Variants in SRP68 observed in about 807,000 individuals in gnomAD.
The protein encoded by SRP68 is signal recognition particle subunit SRP68.
A neutral mutation model predicts 82.2 loss-of-function variants in SRP68; 15 were observed. The observed-to-expected ratio is 0.18, with a 90% CI of 0.12 to 0.28. The LOEUF (loss-of-function observed/expected upper bound fraction) is 0.28, where lower values mean the gene tolerates loss of function less well. Ranked by LOEUF, SRP68 falls within the 10% of genes least tolerant of loss-of-function variation. The pLI is 1.00. For missense variants in SRP68, 595 were observed against 780.5 expected, an observed-to-expected ratio of 0.76 and a Z score of 2.83; for synonymous variants, 261 against 292.6, an observed-to-expected ratio of 0.89 and a Z score of 1.10.
intron 13 of SRP68, among the ~76,000 whole-genome samples, chr17:76,042,494 C>T (rs1028434017): frequency 2.0e-5 from 3 of 147,052 alleles, no homozygotes; most frequent in East Asian, 2.0e-4. Flanking sequence ...AAGCCGAGAT[C>T]GTGCCACTGC....
At chr17:76,061,688 C>A in intron 4 of SRP68, 114 bp from the exon 5 acceptor site, 1 of 793,184 alleles carries the variant, frequency 1.3e-6, no homozygotes, top group Admixed American at 2.3e-5. Context: ...GGGCCAGGTG[C>A]AGTGGCTCAC....
At chr17:76,061,449 C>T in intron 5 of SRP68, 43 bp downstream of exon 5, 1 of 1,537,858 alleles carries the variant, frequency 6.5e-7, no homozygotes, top group Non-Finnish European at 9.0e-7. Flanking sequence ...ATTTGACAAT[C>T]TGTAATTAAA....
chr17:76,070,305 G>A lies in SRP68; in HGVS notation c.251+73C>T, dbSNP rs577186578. On this transcript the variant is annotated intron_variant, in intron 2 of 15. Transcript: ENST00000307877. Reference sequence around the variant, plus strand: ...TTCTAGCATATTTGCTGATATAGCAGAGTAAACAGGATATTAACAAAAGCA... The same window carrying A: ...TTCTAGCATATTTGCTGATATAGCAAAGTAAACAGGATATTAACAAAAGCA... 22 of 1,161,286 alleles carry A rather than the reference G, an allele frequency of 1.9e-5. No homozygotes were observed. In the East Asian group the frequency reaches 4.8e-4, roughly 25 times the overall value. 71.9% of individuals were successfully genotyped at this position (1,161,286 alleles called of 1,614,324 possible).
chr17:76,051,624 T>C (rs186143497), intron 8 of SRP68, among the ~76,000 whole-genome samples: 3 of 152,202 alleles, frequency 2.0e-5, no homozygotes, highest in Admixed American at 2.0e-4. Flanking sequence ...CTTTTCTTAG[T>C]CTCCAGTGTG....
At chr17:76,044,051 G>C in intron 12 of SRP68, 93 bp from the exon 13 acceptor site, 1 of 1,448,452 alleles carries the variant, frequency 6.9e-7, no homozygotes, top group Non-Finnish European at 9.2e-7. Flanking sequence ...TTCACATTTG[G>C]AAACAGGTTT....
At chr17:76,050,358 C>T in intron 9 of SRP68, 70 bp downstream of exon 9, 3 of 1,144,634 alleles carry the variant, frequency 2.6e-6, no homozygotes, top group Non-Finnish European at 4.0e-6. Flanking sequence ...CTGGGGTCCA[C>T]CTGAGAAGGG....
In SRP68 at chr17:76,066,666, A is replaced by G. The variant is rs551801282; in HGVS notation, c.365+551T>C. 4.0e-5 allele frequency among the ~76,000 whole-genome samples: 6 copies of G among 150,904 alleles called. No individual in the cohort carries two copies. In the East Asian group the frequency reaches 1.2e-3, roughly 29 times the overall value. ...GTTTAATAGGCAAGAAGGGAGAAGA[A>G]GCTTCCCTGTACAGAGACAGAGGAA... On this transcript the variant is annotated intron_variant, in intron 3 of 15. Transcript: ENST00000307877.
intron 2 of SRP68, among the ~76,000 whole-genome samples, chr17:76,069,590 C>T (rs1202994479): frequency 1.3e-5 from 2 of 150,960 alleles, no homozygotes; most frequent in African/African-American, 2.4e-5. Context: ...GCCTTCAGTC[C>T]CAGCCACTCA....
At position 76,065,123 on chromosome 17, in the gene SRP68, C is replaced by T. The variant is rs371993981; in HGVS notation, c.366-952G>A. Among the ~76,000 whole-genome samples, 8 of 152,080 alleles carry T rather than the reference C, an allele frequency of 5.3e-5. No individual in the cohort carries two copies. In the East Asian group the frequency reaches 9.7e-4, roughly 18 times the overall value. On this transcript the variant is annotated intron_variant, in intron 3 of 15. Coordinates refer to ENST00000307877, the MANE Select transcript of SRP68 (RefSeq NM_014230.4). The stretch of plus-strand genomic sequence containing the variant: ...AATCTGTCTTAAACTTCAGCTTAAC[C>T]TTGTCTCTTCAGAGTAAAGGATCTT...
Position 76,039,927 on chromosome 17 carries a change from C to T in SRP68, c.1663G>A (p.Val555Ile), listed in dbSNP as rs767689952. Reference protein sequence around the residue: ...SSQVKDNKPLVERFETFCLDP... With the variant: ...SSQVKDNKPLIERFETFCLDP... ...AGGCAGAATGTCTCAAACCGTTCAA[C>T]CAGAGGCTGGAAGTCAAATCAAAGA... The change falls in exon 16 of 16, where the codon GTT becomes ATT. Residue 555 changes from valine to isoleucine, a missense_variant. Coordinates refer to ENST00000307877, the MANE Select transcript of SRP68 (RefSeq NM_014230.4). 6.2e-7 allele frequency: 1 copy of T among 1,614,012 alleles called. No individual in the cohort carries two copies. The highest frequency in any genetic ancestry group is 1.3e-5 in the African/African-American group (1 of 74,926).
At chr17:76,040,538 G>A in intron 14 of SRP68, 64 bp from the exon 15 acceptor site, 1 of 1,527,874 alleles carries the variant, frequency 6.5e-7, no homozygotes, top group South Asian at 1.1e-5. Flanking sequence ...TCACAAATGA[G>A]GCCTATCACA....
chr17:76,063,601 T>C (rs1411450617), intron 4 of SRP68, among the ~76,000 whole-genome samples: 1 of 151,378 alleles, frequency 6.6e-6, no homozygotes, highest in Non-Finnish European at 1.5e-5. Context: ...GGCAGGAGAA[T>C]TGCTTGAACC....
chr17:76,072,138 C>T lies in SRP68; in HGVS notation c.184+170G>A, dbSNP rs2144539207. 2 of 1,308,532 alleles carry T rather than the reference C, an allele frequency of 1.5e-6. No homozygotes were observed. The highest frequency in any genetic ancestry group is 2.1e-6 in the Non-Finnish European group (2 of 965,826). 81.1% of individuals were successfully genotyped at this position (1,308,532 alleles called of 1,614,324 possible). A position where few individuals can be genotyped will look rare whatever the true frequency, so the allele number is the denominator to read the frequency against. On this transcript the variant is annotated intron_variant, in intron 1 of 15. Coordinates refer to ENST00000307877, the MANE Select transcript of SRP68 (RefSeq NM_014230.4). This position sits in a 1 kb window ranked among gnomAD's most constrained non-coding sequence, Gnocchi z 4.5. The stretch of plus-strand genomic sequence containing the variant: ...GAGGGGGACACGAGGAAAGACTAGT[C>T]GAGAGACAGACCCCCCCCGGAATTC...
intron 2 of SRP68, 138 bp downstream of exon 2, chr17:76,070,234 AAAAAAC>A: frequency 1.4e-6 from 1 of 704,684 alleles, no homozygotes; most frequent in South Asian, 1.9e-5. Context: ...AAAAAAAAAA[AAAAAAC>A]AAAGCAAACA....
chr17:76,040,674 C>A lies in SRP68; in HGVS notation c.1601-200G>T, dbSNP rs372260551. 4.6e-4 allele frequency: 305 copies of A among 667,786 alleles called. 1 individual carries two copies. In the African/African-American group the frequency reaches 4.9e-3, roughly 11 times the overall value. 41.4% of individuals were successfully genotyped at this position (667,786 alleles called of 1,614,324 possible). A position where few individuals can be genotyped will look rare whatever the true frequency, so the allele number is the denominator to read the frequency against. Reference sequence around the variant, plus strand: ...ATCCAATGCCGTCGGCCCAGTGAAGCCAGCACAGTTGCATGAGGACAGTAA... The same window carrying A: ...ATCCAATGCCGTCGGCCCAGTGAAGACAGCACAGTTGCATGAGGACAGTAA... On this transcript the variant is annotated intron_variant, in intron 14 of 15. Transcript: ENST00000307877.
intron 13 of SRP68, among the ~76,000 whole-genome samples, chr17:76,042,326 G>A (rs372002053): frequency 3.3e-5 from 5 of 152,118 alleles, no homozygotes; most frequent in South Asian, 4.1e-4. Context: ...GTAAAGCACC[G>A]GGAGTAGTGG....
rs1393959836 is a variant in SRP68, at chr17:76,067,286, T to C, written c.296A>G (p.Asn99Ser). The C allele has an allele frequency of 1.2e-6, 2 of 1,613,202 alleles. No individual in the cohort carries two copies. The highest frequency in any genetic ancestry group is 1.7e-5 in the Admixed American group (1 of 59,766). The part of the protein sequence containing the change: ...RRQRRLRKTL[N>S]FKMGNRHKFT... ...TTTGTGTCTGTTACCCATCTTGAAGTTGAGTGTTTTTCGAAGACGTCTTTG... is the reference window on the plus strand; with the variant it reads ...TTTGTGTCTGTTACCCATCTTGAAGCTGAGTGTTTTTCGAAGACGTCTTTG... The change falls in exon 3 of 16, where the codon AAC becomes AGC. Residue 99 changes from asparagine (N) to serine (S), a missense_variant. Coordinates refer to ENST00000307877, the MANE Select transcript of SRP68 (RefSeq NM_014230.4).
At chr17:76,050,551 G>C (rs374548276) in intron 8 of SRP68, 25 bp from the exon 9 acceptor site, 107 of 1,581,618 alleles carry the variant, frequency 6.8e-5, no homozygotes, top group Non-Finnish European at 8.4e-5. Flanking sequence ...ATCAAAGTAA[G>C]AGACTTTCCT....
intron 6 of SRP68, 60 bp from the exon 7 acceptor site, chr17:76,060,450 G>C: frequency 7.9e-7 from 1 of 1,262,860 alleles, no homozygotes; most frequent in Non-Finnish European, 1.2e-6. Flanking sequence ...AGAATCACTA[G>C]ATTCAACTCA....
Sources: gnomAD v4.1 joint callset for allele counts (sites outside exome capture counted in the v4.1 genomes callset) on GRCh38, gnomAD v4.1.1 for gene constraint, Gnocchi (gnomAD v3.1) non-coding constraint, MANE v1.5 for transcripts, NCBI Gene and HGNC (gene_info 2026-07-23, HGNC 2026-07-21) for gene names.